LRRC56: variants seen among roughly 807,000 people sequenced by gnomAD.
LRRC56 encodes leucine rich repeat containing 56.
LRRC56 carries 41 observed loss-of-function variants against 47.8 expected under a neutral mutation model. That is an observed-to-expected ratio of 0.86 (90% CI 0.67 to 1.11). The LOEUF (loss-of-function observed/expected upper bound fraction) is 1.11. Among genes scored for constraint, LRRC56 ranks in the 50% most tolerant of loss-of-function variants. The probability of loss-of-function intolerance (pLI) is 0.00; values close to 1 mark genes in which losing one functional copy is unlikely to be tolerated. For missense variants in LRRC56, 759 were observed against 704.2 expected, an observed-to-expected ratio of 1.08 and a Z score of -0.88; for synonymous variants, 387 against 311.2, an observed-to-expected ratio of 1.24 and a Z score of -2.56.
the LRRC56 span, among the ~76,000 whole-genome samples, chr11:530,071 G>A: frequency 2.8e-4 from 42 of 152,284 alleles, no homozygotes; most frequent in East Asian, 7.1e-3. Flanking sequence ...AACTCCTGTT[G>A]AAGCCACCCA....
chr11:523,513 C>T, the LRRC56 span, among the ~76,000 whole-genome samples: 1 of 151,740 alleles, frequency 6.6e-6, no homozygotes. Flanking sequence ...CACCCATAAT[C>T]CCAGCTACTC....
Position 546,439 on chromosome 11 carries a change from G to A in LRRC56, c.326+1659G>A, listed in dbSNP as rs527894723. 8.6e-3 allele frequency among the ~76,000 whole-genome samples: 1,306 copies of A among 151,740 alleles called. 9 individuals carry two copies. The highest frequency in any genetic ancestry group is 0.027 in the Middle Eastern group (8 of 292). ...AAAAATTAGCCGGGCGTGGTGGTGG[G>A]CGCCTGTAGTCCCAGCTACTCGGGA... On this transcript the variant is annotated intron_variant, in intron 6 of 13. Transcript: ENST00000270115.
chr11:554,278 A>G lies in LRRC56; in HGVS notation c.*2A>G, dbSNP rs1173634018. ...CACCCCAGCCCCGTCCCCACTTAAT[A>G]TAGCCCCCACTGCCAGGCTTCCCTG... On this transcript the variant is annotated 3_prime_UTR_variant, in exon 14 of 14. Transcript: ENST00000270115. The G allele has an allele frequency of 6.8e-7, 1 of 1,479,844 alleles. No individual in the cohort carries two copies. 91.7% of individuals were successfully genotyped at this position (1,479,844 alleles called of 1,614,324 possible).
intron 12 of LRRC56, 125 bp from the exon 13 acceptor site, chr11:552,444 G>T: frequency 8.5e-7 from 1 of 1,174,072 alleles, no homozygotes; most frequent in East Asian, 2.6e-5. Flanking sequence ...CTGTCCCGTG[G>T]GGGGATCAGG....
At chr11:547,132 T>G (rs1406403499) in intron 6 of LRRC56, among the ~76,000 whole-genome samples, 2 of 151,368 alleles carry the variant, frequency 1.3e-5, no homozygotes, top group Non-Finnish European at 2.9e-5. Context: ...CACAGGAGGC[T>G]GAGGCATGAG....
In LRRC56 at chr11:551,274, C is replaced by A. The variant is rs1564806617; in HGVS notation, c.768C>A (p.Ile256=). The A allele has an allele frequency of 6.5e-7, 1 of 1,536,952 alleles. No individual in the cohort carries two copies. Among genetic ancestry groups the A allele is most frequent in the East Asian group, 2.5e-5 (1 of 40,442 alleles). Residue 256 remains isoleucine, a synonymous_variant, in exon 9 of 14, where the codon ATC becomes ATA. Coordinates refer to ENST00000270115, the MANE Select transcript of LRRC56 (RefSeq NM_198075.4). ...SQDWLAVKEA[I]KKGNGLPPLD... ...ACTGGCTTGCGGTGAAGGAGGCCAT[C>A]AAGAAGGGCAACGGCCTTCCCCCGC... is the stretch of plus-strand genomic sequence containing the variant.
At chr11:534,201 G>A (rs758933104), upstream of LRRC56, 7 of 1,598,034 alleles carry the variant, frequency 4.4e-6, no homozygotes, top group Admixed American at 3.3e-5. Flanking sequence ...GGACGGCGGC[G>A]CCAGGCTCAC....
chr11:534,408 G>A (rs1404097810), upstream of LRRC56: 2 of 708,620 alleles, frequency 2.8e-6, no homozygotes, highest in Non-Finnish European at 4.1e-6. Flanking sequence ...GCCAGGCCCA[G>A]GCCCAGCCCC....
In LRRC56 at chr11:550,101, G is replaced by C. The variant is rs369023110; in HGVS notation, c.453G>C (p.Ser151=). 2.5e-6 allele frequency: 4 copies of C among 1,612,982 alleles called. No individual in the cohort carries two copies. The highest frequency in any genetic ancestry group is 2.2e-5 in the South Asian group (2 of 91,042). ...KELYASYNNI[S]DLSPLCLLEQ... ...TCTACGCCTCCTACAACAACATCTC[G>C]GACCTGAGCCCACTGTGCCTGCTGG... The change falls in exon 8 of 14, where the codon TCG becomes TCC. Residue 151 remains serine (S), a synonymous_variant. Coordinates refer to ENST00000270115, the MANE Select transcript of LRRC56 (RefSeq NM_198075.4).
chr11:533,144 C>G (rs997684842), upstream of LRRC56: 1 of 824,664 alleles, frequency 1.2e-6, no homozygotes, highest in African/African-American at 1.7e-5. Flanking sequence ...GGTCACCGCT[C>G]CGGCCTGGCT....
At chr11:551,505 G>C in intron 9 of LRRC56, 146 bp from the exon 10 acceptor site, 1 of 922,034 alleles carries the variant, frequency 1.1e-6, no homozygotes. Context: ...AAGGTCTGAA[G>C]ATGAGGGCCT....
chr11:551,807 A>C lies in LRRC56; in HGVS notation c.953A>C (p.Asn318Thr). 1 of 1,607,754 alleles carries C rather than the reference A, an allele frequency of 6.2e-7. No individual in the cohort carries two copies. The highest frequency in any genetic ancestry group is 1.7e-5 in the Admixed American group (1 of 59,624). ...LLSEDLAPED[N>T]TSSLTHGAGQ... ...TCTGAGGACCTGGCCCCAGAAGATAACACCAGCAGCCTCACCCATGGTAAC... is the reference window on the plus strand; with the variant it reads ...TCTGAGGACCTGGCCCCAGAAGATACCACCAGCAGCCTCACCCATGGTAAC... The change falls in exon 10 of 14, where the codon AAC becomes ACC. Residue 318 changes from asparagine to threonine, a missense_variant. By Grantham distance (65) the Asn-to-Thr change is moderately conservative. Coordinates refer to ENST00000270115, the MANE Select transcript of LRRC56 (RefSeq NM_198075.4).
At chr11:542,263 G>A (rs1851832561) in intron 5 of LRRC56, among the ~76,000 whole-genome samples, 1 of 151,812 alleles carries the variant, frequency 6.6e-6, no homozygotes, top group Non-Finnish European at 1.5e-5. Flanking sequence ...GCATCACAGA[G>A]GAACAAAGGC....
chr11:533,689 G>T (rs2133988854), upstream of LRRC56: 1 of 1,611,624 alleles, frequency 6.2e-7, no homozygotes. Context: ...GAGAGGACAG[G>T]AGGCCCCTGC....
rs1341263647 is a variant in LRRC56, at chr11:554,508, G to A, written c.*232G>A. ...GGTTTGGCCTGGGGAGGGAGGGTCCGGCTCCCCAGCCCTTCCTTAGGGCCA... is the reference window on the plus strand; with the variant it reads ...GGTTTGGCCTGGGGAGGGAGGGTCCAGCTCCCCAGCCCTTCCTTAGGGCCA... On this transcript the variant is annotated 3_prime_UTR_variant, in exon 14 of 14. Coordinates refer to ENST00000270115, the MANE Select transcript of LRRC56 (RefSeq NM_198075.4). 7.0e-6 allele frequency: 3 copies of A among 430,884 alleles called. No individual in the cohort carries two copies. Among genetic ancestry groups the A allele is most frequent in the East Asian group, 3.5e-5 (1 of 28,314 alleles). The allele number at this position is 430,884 out of a possible 1,614,324, so 26.7% of individuals were successfully genotyped here.
At chr11:544,924 T>G in intron 6 of LRRC56, 144 bp downstream of exon 6, 2 of 834,824 alleles carry the variant, frequency 2.4e-6, no homozygotes, top group East Asian at 2.7e-5. Flanking sequence ...AGCTCCATCC[T>G]GCTGGCTGCC....
the LRRC56 span, among the ~76,000 whole-genome samples, chr11:517,101 C>T: frequency 6.8e-4 from 104 of 152,362 alleles, no homozygotes; most frequent in African/African-American, 2.3e-3. Flanking sequence ...CTGCCCGCCT[C>T]GGCCTCCCGG....
At chr11:521,606 C>T in the LRRC56 span, among the ~76,000 whole-genome samples, 7 of 152,162 alleles carry the variant, frequency 4.6e-5, no homozygotes, top group African/African-American at 1.2e-4. Context: ...CTGCACCCAG[C>T]CAAGAGATAT....
At chr11:547,357 G>GT (rs1004955841) in intron 6 of LRRC56, among the ~76,000 whole-genome samples, 51 of 150,344 alleles carry the variant, frequency 3.4e-4, no homozygotes, top group Non-Finnish European at 4.2e-4. Context: ...ATTATTTTGT[G>GT]TTTTTTTTTG....
Sources: allele counts gnomAD v4.1 joint callset (sites outside exome capture counted in the v4.1 genomes callset), GRCh38; gene constraint gnomAD v4.1.1; transcripts MANE v1.5; gene names NCBI Gene and HGNC (gene_info 2026-07-23, HGNC 2026-07-21).